Variants in MACROD2 observed in about 807,000 individuals in gnomAD.
The protein encoded by MACROD2 is ADP-ribose glycohydrolase MACROD2.
MACROD2 carries 36 observed loss-of-function variants against 70.4 expected under a neutral mutation model. The ratio of observed to expected loss-of-function variants is 0.51; its 90% CI spans 0.39 to 0.68. The LOEUF is 0.68. Among genes scored for constraint, MACROD2 ranks in the 30% least tolerant of loss-of-function variants. MACROD2 has a pLI of 0.00. For synonymous variants in MACROD2, 172 were observed against 178.8 expected (o/e 0.96, Z 0.30); for missense variants, 496 against 538.4 (o/e 0.92, Z 0.78).
intron 4 of MACROD2, among the ~76,000 whole-genome samples, chr20:14,668,342 A>C (rs1407212367): frequency 2.0e-5 from 3 of 152,134 alleles, no homozygotes; most frequent in African/African-American, 7.2e-5. Flanking sequence ...CTGGGCCTGC[A>C]TTTGGAATAA....
intron 8 of MACROD2, among the ~76,000 whole-genome samples, chr20:15,861,631 A>G (rs2064425435): frequency 6.6e-6 from 1 of 152,198 alleles, no homozygotes. Flanking sequence ...AGGCTTGGGC[A>G]GAGACTAAGG....
intron 6 of MACROD2, among the ~76,000 whole-genome samples, chr20:15,378,557 T>A (rs2045598416): frequency 6.6e-6 from 1 of 152,200 alleles, no homozygotes; most frequent in South Asian, 2.1e-4. Context: ...ATAAAGTCTA[T>A]CATATCATTG....
intron 8 of MACROD2, among the ~76,000 whole-genome samples, chr20:15,620,453 C>T (rs2049109313): frequency 6.6e-6 from 1 of 152,060 alleles, no homozygotes; most frequent in African/African-American, 2.4e-5. Context: ...CCTCTCTTGC[C>T]CCTTGCCTCC....
At chr20:14,192,846 CA>C (rs1569200002) in intron 3 of MACROD2, among the ~76,000 whole-genome samples, 1 of 152,168 alleles carries the variant, frequency 6.6e-6, no homozygotes, top group Admixed American at 6.5e-5. Flanking sequence ...TTTGCTTCTG[CA>C]AGTGGCAGAT....
At position 15,948,256 on chromosome 20, in the gene MACROD2, A is replaced by G. The variant is rs188610884; in HGVS notation, c.907+10712A>G. Reference sequence around the variant, plus strand: ...GCTAAAACAGGAGGTAAAGAAATAGACAATCATCTATCACCTGAGAGCACA... The same window carrying G: ...GCTAAAACAGGAGGTAAAGAAATAGGCAATCATCTATCACCTGAGAGCACA... On this transcript the variant is annotated intron_variant, in intron 12 of 17. Transcript: ENST00000684519. 1.1e-3 allele frequency among the ~76,000 whole-genome samples: 173 copies of G among 152,098 alleles called. 1 individual carries two copies. Among genetic ancestry groups the G allele is most frequent in the African/African-American group, 3.7e-3 (152 of 41,524 alleles).
At chr20:14,286,405 T>G (rs2082345347) in intron 3 of MACROD2, among the ~76,000 whole-genome samples, 1 of 152,180 alleles carries the variant, frequency 6.6e-6, no homozygotes, top group Non-Finnish European at 1.5e-5. Context: ...GGGTTTTTGT[T>G]ATAATAGCTG....
intron 2 of MACROD2, among the ~76,000 whole-genome samples, chr20:14,082,174 T>TTCC: frequency 1.4e-5 from 1 of 74,050 alleles, no homozygotes; most frequent in Non-Finnish European, 2.5e-5. Context: ...TTTCTTTTTT[T>TTCC]TTCTTTTTTT....
chr20:15,495,152 G>A (rs2047281191), intron 7 of MACROD2, among the ~76,000 whole-genome samples: 1 of 152,188 alleles, frequency 6.6e-6, no homozygotes, highest in African/African-American at 2.4e-5. Context: ...GTCCCCTGGT[G>A]ACCAGAATAT....
chr20:15,744,264 T>C (rs1327377190), intron 8 of MACROD2, among the ~76,000 whole-genome samples: 1 of 152,230 alleles, frequency 6.6e-6, no homozygotes, highest in African/African-American at 2.4e-5. Context: ...TAGTAAATAA[T>C]ATGATTAGTT....
intron 5 of MACROD2, among the ~76,000 whole-genome samples, chr20:14,929,920 G>T (rs1246190817): frequency 6.6e-6 from 1 of 152,104 alleles, no homozygotes; most frequent in Non-Finnish European, 1.5e-5. Context: ...CCAGCACTTT[G>T]GGAGGCCGAC....
chr20:15,320,045 C>T (rs1029026499), intron 6 of MACROD2, among the ~76,000 whole-genome samples: 4 of 152,204 alleles, frequency 2.6e-5, no homozygotes, highest in South Asian at 4.2e-4. Context: ...CCCATCTCTA[C>T]TAAAAATAAA....
chr20:14,292,237 A>C (rs1185619226), intron 3 of MACROD2, among the ~76,000 whole-genome samples: 2 of 151,922 alleles, frequency 1.3e-5, no homozygotes, highest in Admixed American at 1.3e-4. Flanking sequence ...TAGAAGATGA[A>C]GCACTACAGG....
intron 15 of MACROD2, among the ~76,000 whole-genome samples, chr20:15,988,065 A>C (rs964830074): frequency 6.6e-6 from 1 of 152,158 alleles, no homozygotes; most frequent in Non-Finnish European, 1.5e-5. Flanking sequence ...ACAGCTTCCA[A>C]ATTATGAACT....
At chr20:15,895,418 G>A (rs1473248677) in intron 10 of MACROD2, among the ~76,000 whole-genome samples, 1 of 152,184 alleles carries the variant, frequency 6.6e-6, no homozygotes, top group Non-Finnish European at 1.5e-5. Flanking sequence ...TTCCTAAGAG[G>A]GCTTCAAAGA....
chr20:15,323,606 A>G (rs2077895527), intron 6 of MACROD2, among the ~76,000 whole-genome samples: 1 of 152,184 alleles, frequency 6.6e-6, no homozygotes, highest in South Asian at 2.1e-4. Flanking sequence ...GACCCAAGCC[A>G]TAAACCTGTT....
intron 8 of MACROD2, among the ~76,000 whole-genome samples, chr20:15,773,689 T>C (rs4813194): frequency 0.18 from 27,575 of 152,064 alleles, 2,681 homozygotes; most frequent in East Asian, 0.32. Context: ...TTTATAGTTT[T>C]GTTGTTGTTG....
At chr20:14,044,550 C>A (rs991521224) in intron 2 of MACROD2, among the ~76,000 whole-genome samples, 1 of 152,066 alleles carries the variant, frequency 6.6e-6, no homozygotes, top group Non-Finnish European at 1.5e-5. Flanking sequence ...CTGATTGGTC[C>A]GTTTTGACAG....
At chr20:14,983,185 G>A (rs1321576167) in intron 5 of MACROD2, among the ~76,000 whole-genome samples, 1 of 152,174 alleles carries the variant, frequency 6.6e-6, no homozygotes, top group African/African-American at 2.4e-5. Context: ...ATTTGGATCA[G>A]CCATATTTAC....
rs74690683 is a variant in MACROD2 at position 15,221,383 on chromosome 20, A to G, written c.419-8557A>G. The stretch of plus-strand genomic sequence containing the variant: ...CTCTTTGGGTTCATTCTAAAATGAC[A>G]TGAAATGTTGGAATTCTGCAGATAA... On this transcript the variant is annotated intron_variant, in intron 5 of 17. Transcript: ENST00000684519. Among the ~76,000 whole-genome samples the G allele has an allele frequency of 2.6e-3, 395 of 152,332 alleles. 1 individual carries two copies. Among genetic ancestry groups the G allele is most frequent in the African/African-American group, 8.8e-3 (368 of 41,592 alleles).
Sources: allele counts gnomAD v4.1 joint callset (sites outside exome capture counted in the v4.1 genomes callset), GRCh38; gene constraint gnomAD v4.1.1; transcripts MANE v1.5; gene names NCBI Gene and HGNC (gene_info 2026-07-23, HGNC 2026-07-21).